RANBP2: variants seen among roughly 807,000 people sequenced by gnomAD.
RANBP2 encodes the protein E3 SUMO-protein ligase RanBP2.
Under a neutral mutation model 303.6 loss-of-function variants are expected in RANBP2, and 57 were observed. The ratio of observed to expected loss-of-function variants is 0.19; its 90% CI spans 0.15 to 0.23. The LOEUF (loss-of-function observed/expected upper bound fraction) is 0.23. RANBP2 is among the 10% of genes least tolerant of loss of function. The pLI is 1.00. For missense variants in RANBP2, 3,138 were observed against 3,780.8 expected, an observed-to-expected ratio of 0.83 and a Z score of 4.46; for synonymous variants, 1,167 against 1,301.5, an observed-to-expected ratio of 0.90 and a Z score of 2.23.
the RANBP2 span, chr2:109,553,142 ATC>A: frequency 6.2e-6 from 10 of 1,613,958 alleles, no homozygotes; most frequent in Non-Finnish European, 7.6e-6. Flanking sequence ...CTGCACAAAC[ATC>A]TGTTTCATTT....
the RANBP2 span, among the ~76,000 whole-genome samples, chr2:109,521,134 C>T: frequency 1.3e-5 from 2 of 151,058 alleles, no homozygotes; most frequent in African/African-American, 2.4e-5. Flanking sequence ...AGGAGAATGG[C>T]GTGAACCCGG....
chr2:108,853,643 C>G, the RANBP2 span, among the ~76,000 whole-genome samples: 105,084 of 149,014 alleles, frequency 0.71, 40,456 homozygotes, highest in East Asian at 0.9. Flanking sequence ...CCTCTTGCCT[C>G]AGGCTTCCAA....
At chr2:109,381,084 T>A in the RANBP2 span, among the ~76,000 whole-genome samples, 1 of 152,244 alleles carries the variant, frequency 6.6e-6, no homozygotes, top group South Asian at 2.1e-4. Context: ...CCAAGTGGTC[T>A]ACCACTTGCT....
At chr2:109,127,905 G>A in the RANBP2 span, 10 of 152,214 alleles carry the variant, frequency 6.6e-5, no homozygotes, top group African/African-American at 2.4e-4. Flanking sequence ...CTGTTTAGAG[G>A]ATTAAATAAT....
the RANBP2 span, among the ~76,000 whole-genome samples, chr2:109,489,818 A>G: frequency 2.6e-5 from 4 of 152,012 alleles, no homozygotes; most frequent in African/African-American, 9.6e-5. Context: ...GCTCACTGCA[A>G]CCTCCACCTC....
At chr2:109,656,251 T>C in the RANBP2 span, among the ~76,000 whole-genome samples, 1 of 152,230 alleles carries the variant, frequency 6.6e-6, no homozygotes, top group East Asian at 1.9e-4. Context: ...TAAATGTTTC[T>C]TGAATGAGTA....
rs565225481 is a variant in RANBP2, at chr2:108,740,623, A to G, written c.917A>G (p.Asn306Ser). 7 of 1,597,536 alleles carry G rather than the reference A, an allele frequency of 4.4e-6. No homozygotes were observed. The highest frequency in any genetic ancestry group is 1.7e-5 in the Admixed American group (1 of 60,016). Residue 306 changes from asparagine (N) to serine (S), a missense_variant, in exon 7 of 29, where the codon AAT becomes AGT. This residue lies in a region of RANBP2 where 306 missense variants were observed against 381.9 expected (regional missense o/e 0.80). Coordinates refer to ENST00000283195, the MANE Select transcript of RANBP2 (RefSeq NM_006267.5). ...LLLKMGQHSS[N>S]VQWRALSELA... ...TTGAAGATGGGTCAGCATAGTAGTA[A>G]TGTTCAATGGCGAGCTCTTTCTGAG...
chr2:109,209,229 T>G, the RANBP2 span, among the ~76,000 whole-genome samples: 411 of 152,306 alleles, frequency 2.7e-3, 2 homozygotes, highest in African/African-American at 9.3e-3. Flanking sequence ...AACACCTGTT[T>G]ATGGGCTGTA....
At chr2:109,432,501 G>A in the RANBP2 span, 1 of 1,613,264 alleles carries the variant, frequency 6.2e-7, no homozygotes, top group Admixed American at 1.7e-5. Flanking sequence ...TTGCCCGCAG[G>A]TACCTGGCGC....
chr2:109,760,540 C>A, the RANBP2 span, among the ~76,000 whole-genome samples: 1 of 140,786 alleles, frequency 7.1e-6, no homozygotes, highest in Non-Finnish European at 1.6e-5. Context: ...CTGCAGCCAG[C>A]CCGGCCGGCC....
the RANBP2 span, among the ~76,000 whole-genome samples, chr2:109,738,297 C>A: frequency 6.9e-6 from 1 of 144,244 alleles, no homozygotes; most frequent in African/African-American, 2.5e-5. Context: ...ATATGGATAT[C>A]CAGTTTTCTC....
the RANBP2 span, among the ~76,000 whole-genome samples, chr2:109,188,117 T>A: frequency 6.6e-6 from 1 of 152,222 alleles, no homozygotes; most frequent in Non-Finnish European, 1.5e-5. Flanking sequence ...CTCTCGGACA[T>A]CTAATGAGCA....
the RANBP2 span, among the ~76,000 whole-genome samples, chr2:109,394,183 G>A: frequency 7.3e-3 from 1,111 of 152,350 alleles, 13 homozygotes; most frequent in East Asian, 0.052. Context: ...CAGTTCTGTG[G>A]TTGGAAAGTG....
At chr2:109,662,063 C>T in the RANBP2 span, among the ~76,000 whole-genome samples, 1 of 152,194 alleles carries the variant, frequency 6.6e-6, no homozygotes, top group African/African-American at 2.4e-5. Context: ...CCACCCTTTC[C>T]AGACCATGAC....
the RANBP2 span, among the ~76,000 whole-genome samples, chr2:109,537,627 A>C: frequency 0.32 from 47,849 of 151,762 alleles, 7,762 homozygotes; most frequent in Admixed American, 0.42. Context: ...AATTACCATA[A>C]ATTTGGTGGC....
At chr2:109,634,017 G>C in the RANBP2 span, among the ~76,000 whole-genome samples, 1 of 149,868 alleles carries the variant, frequency 6.7e-6, no homozygotes, top group African/African-American at 2.5e-5. Flanking sequence ...CTACTCAGGA[G>C]GCTGAGACAG....
At chr2:109,282,781 C>G in the RANBP2 span, among the ~76,000 whole-genome samples, 1 of 152,152 alleles carries the variant, frequency 6.6e-6, no homozygotes. Context: ...GAAGAGCTCA[C>G]CAGGAGGTAG....
At chr2:108,749,423 A>G (rs1256979051) in intron 9 of RANBP2, among the ~76,000 whole-genome samples, 2 of 152,022 alleles carry the variant, frequency 1.3e-5, no homozygotes, top group East Asian at 3.9e-4. Flanking sequence ...TCAGTCTCCC[A>G]AGTAGCGGGA....
chr2:109,613,909 G>C, the RANBP2 span: 13 of 1,227,878 alleles, frequency 1.1e-5, no homozygotes, highest in Non-Finnish European at 1.3e-5. Context: ...CGGGAAGGCC[G>C]GAGGGCAGAA....
Sources: gnomAD v4.1 joint callset for allele counts (sites outside exome capture counted in the v4.1 genomes callset) on GRCh38, gnomAD v4.1.1 for gene constraint, gnomAD v4.1.1 regional missense constraint, MANE v1.5 for transcripts, NCBI Gene and HGNC (gene_info 2026-07-23, HGNC 2026-07-21) for gene names.